Variants in ESRRG observed in about 807,000 individuals in gnomAD.
ESRRG encodes the protein estrogen related receptor gamma.
In ESRRG, 13 loss-of-function variants were observed where a neutral mutation model predicts 44.0. That is an observed-to-expected ratio of 0.30 (90% CI 0.19 to 0.47). The LOEUF (loss-of-function observed/expected upper bound fraction) is 0.47. ESRRG is among the 20% of genes least tolerant of loss of function. The pLI is 1.00. For synonymous variants in ESRRG, 215 were observed against 214.6 expected (o/e 1.00, Z -0.02); for missense variants, 395 against 580.6 (o/e 0.68, Z 3.29).
chr1:216,871,332 A>T (rs1356435263), intron 2 of ESRRG, among the ~76,000 whole-genome samples: 1 of 152,054 alleles, frequency 6.6e-6, no homozygotes, highest in Non-Finnish European at 1.5e-5. Flanking sequence ...GTGAGGTCAG[A>T]GAACATATTT....
intron 1 of ESRRG, among the ~76,000 whole-genome samples, chr1:216,718,956 G>C (rs941187327): frequency 2.0e-5 from 3 of 151,934 alleles, no homozygotes; most frequent in Non-Finnish European, 4.4e-5. Context: ...AGAAATCATT[G>C]CTATTAATTG....
At chr1:216,839,449 A>G (rs1270036514) in intron 2 of ESRRG, among the ~76,000 whole-genome samples, 1 of 152,180 alleles carries the variant, frequency 6.6e-6, no homozygotes, top group Non-Finnish European at 1.5e-5. Context: ...ACCTTTTATG[A>G]ATCACAAATG....
intron 1 of ESRRG, among the ~76,000 whole-genome samples, chr1:217,121,025 T>C (rs2092811322): frequency 6.6e-6 from 1 of 151,704 alleles, no homozygotes; most frequent in African/African-American, 2.4e-5. Flanking sequence ...GTGGAATAAA[T>C]GAAACAGAGC....
intron 2 of ESRRG, among the ~76,000 whole-genome samples, chr1:216,893,137 C>T (rs145541412): frequency 1.9e-3 from 284 of 152,224 alleles, no homozygotes; most frequent in Non-Finnish European, 3.5e-3. Context: ...AATATGGGAC[C>T]GGCTTCCAAG....
chr1:217,102,915 A>C (rs796224467), intron 1 of ESRRG, among the ~76,000 whole-genome samples: 5 of 152,312 alleles, frequency 3.3e-5, no homozygotes, highest in African/African-American at 1.2e-4. Flanking sequence ...TGAGAGGCTT[A>C]TACAGTCAGC....
upstream of ESRRG, among the ~76,000 whole-genome samples, chr1:216,725,670 T>C (rs2087365463): frequency 6.6e-6 from 1 of 152,078 alleles, no homozygotes; most frequent in East Asian, 1.9e-4. Context: ...ATAGATTCAA[T>C]TGCACATACT....
chr1:216,573,471 C>T (rs1228824777), intron 3 of ESRRG, among the ~76,000 whole-genome samples: 1 of 151,868 alleles, frequency 6.6e-6, no homozygotes, highest in Non-Finnish European at 1.5e-5. Context: ...TACGAATGTA[C>T]TTAAAAATAT....
intron 1 of ESRRG, among the ~76,000 whole-genome samples, chr1:217,031,172 A>C (rs1463940628): frequency 1.3e-5 from 2 of 152,238 alleles, no homozygotes; most frequent in Non-Finnish European, 2.9e-5. Flanking sequence ...TGTAGAAACC[A>C]TGTGTGACCA....
intron 5 of ESRRG, among the ~76,000 whole-genome samples, chr1:216,548,049 A>G (rs1219867360): frequency 6.6e-6 from 1 of 152,092 alleles, no homozygotes; most frequent in Non-Finnish European, 1.5e-5. Context: ...ATCACCTAGA[A>G]AGACCTGGAC....
chr1:216,841,848 A>G (rs1245211022), intron 2 of ESRRG, among the ~76,000 whole-genome samples: 1 of 151,306 alleles, frequency 6.6e-6, no homozygotes, highest in East Asian at 1.9e-4. Flanking sequence ...ACATTAAAAG[A>G]AAGAAAAAAC....
chr1:216,542,206 C>A (rs1047284667), intron 5 of ESRRG, among the ~76,000 whole-genome samples: 2 of 151,784 alleles, frequency 1.3e-5, no homozygotes, highest in African/African-American at 4.8e-5. Context: ...TGCTCACATC[C>A]TGTTGAATTC....
At position 216,957,701 on chromosome 1, in the gene ESRRG, C is replaced by T. The variant is rs370686619; in HGVS notation, c.-105-18028G>A. 1.2e-4 allele frequency among the ~76,000 whole-genome samples: 18 copies of T among 152,280 alleles called. No homozygotes were observed. In the East Asian group the frequency reaches 2.7e-3, roughly 23 times the overall value. On this transcript the variant is annotated intron_variant, in intron 1 of 7. Coordinates refer to the ESRRG transcript ENST00000359162. ...GGGCAACAGCATCCCGACTGGTTTC[C>T]CTGTCTCCACCCTCGGCCTCTTCAG...
At chr1:216,813,743 C>T (rs2095047617) in intron 2 of ESRRG, among the ~76,000 whole-genome samples, 1 of 152,142 alleles carries the variant, frequency 6.6e-6, no homozygotes, top group Non-Finnish European at 1.5e-5. Flanking sequence ...TAAGTGCCTG[C>T]ACACTATACA....
At chr1:216,830,842 G>A (rs953192793) in intron 2 of ESRRG, among the ~76,000 whole-genome samples, 1 of 152,150 alleles carries the variant, frequency 6.6e-6, no homozygotes, top group South Asian at 2.1e-4. Context: ...AAAAAAAAGG[G>A]ATGCTTTTAT....
chr1:216,608,348 G>A (rs1001187248), intron 3 of ESRRG, among the ~76,000 whole-genome samples: 4 of 152,082 alleles, frequency 2.6e-5, no homozygotes, highest in African/African-American at 9.7e-5. Context: ...CATTGCTTTT[G>A]GGGCAAATAT....
At chr1:216,956,916 C>T (rs934009263) in intron 1 of ESRRG, among the ~76,000 whole-genome samples, 3 of 151,966 alleles carry the variant, frequency 2.0e-5, no homozygotes, top group Non-Finnish European at 4.4e-5. Context: ...CAAAATAGAA[C>T]AAAAATGAGA....
At position 216,631,667 on chromosome 1, in the gene ESRRG, G is replaced by A. The variant is rs541252659; in HGVS notation, c.589+19306C>T. ...TATGTACGTATATAAGTATATATAC[G>A]ATATATAAAATACATACCACACATA... On this transcript the variant is annotated intron_variant, in intron 3 of 6. Coordinates refer to ENST00000408911, the MANE Select transcript of ESRRG (RefSeq NM_001438.4). Among the ~76,000 whole-genome samples, 183 of 151,810 alleles carry A rather than the reference G, an allele frequency of 1.2e-3. 1 individual carries two copies. Among genetic ancestry groups the A allele is most frequent in the African/African-American group, 4.3e-3 (178 of 41,372 alleles).
At chr1:216,968,714 T>TG (rs398050087) in intron 1 of ESRRG, among the ~76,000 whole-genome samples, 1 of 148,044 alleles carries the variant, frequency 6.8e-6, no homozygotes, top group Non-Finnish European at 1.5e-5. Flanking sequence ...TTTTTTTTTT[T>TG]GTCTCTATAA....
At chr1:217,046,400 T>C (rs1269509401) in intron 1 of ESRRG, among the ~76,000 whole-genome samples, 1 of 152,214 alleles carries the variant, frequency 6.6e-6, no homozygotes, top group East Asian at 1.9e-4. Flanking sequence ...ATTAGTTTAC[T>C]GACTCTTTAG....
Sources: gnomAD v4.1 joint callset for allele counts (sites outside exome capture counted in the v4.1 genomes callset) on GRCh38, gnomAD v4.1.1 for gene constraint, MANE v1.5 for transcripts, NCBI Gene and HGNC (gene_info 2026-07-23, HGNC 2026-07-21) for gene names.